The following NAALADL2 variants were observed in gnomAD, a reference collection of about 807,000 sequenced individuals.
The protein encoded by NAALADL2 is N-acetylated alpha-linked acidic dipeptidase like 2.
NAALADL2 carries 76 observed loss-of-function variants against 87.2 expected under a neutral mutation model. That is an observed-to-expected ratio of 0.87 (90% CI 0.72 to 1.05). The LOEUF (loss-of-function observed/expected upper bound fraction) is 1.05, where lower values mean the gene tolerates loss of function less well. Among genes scored for constraint, NAALADL2 ranks in the 50% least tolerant of loss-of-function variants. NAALADL2 has a pLI of 0.00. For synonymous variants in NAALADL2, 354 were observed against 331.0 expected (o/e 1.07, Z -0.75); for missense variants, 1,089 against 945.8 (o/e 1.15, Z -1.99).
At chr3:175,219,587 C>A (rs910094382) in intron 2 of NAALADL2, among the ~76,000 whole-genome samples, 2 of 152,090 alleles carry the variant, frequency 1.3e-5, no homozygotes, top group Non-Finnish European at 2.9e-5. Flanking sequence ...TTTTGTCTAA[C>A]CAAGATAGTA....
chr3:174,887,185 T>G (rs574788217), intron 1 of NAALADL2, among the ~76,000 whole-genome samples: 1 of 151,680 alleles, frequency 6.6e-6, no homozygotes, highest in Non-Finnish European at 1.5e-5. Context: ...GAAGTTTGTT[T>G]TAGGCATCTT....
chr3:174,894,943 A>G (rs895521950), intron 1 of NAALADL2, among the ~76,000 whole-genome samples: 1 of 152,126 alleles, frequency 6.6e-6, no homozygotes, highest in African/African-American at 2.4e-5. Flanking sequence ...GGGTCAATAA[A>G]GAAATCAAGA....
At chr3:175,628,926 C>A (rs1283297314) in intron 11 of NAALADL2, among the ~76,000 whole-genome samples, 2 of 150,218 alleles carry the variant, frequency 1.3e-5, no homozygotes, top group Non-Finnish European at 1.5e-5. Context: ...ATTCTAAGCT[C>A]AAAATATCTA....
intron 13 of NAALADL2, among the ~76,000 whole-genome samples, chr3:175,786,684 CCTT>C (rs1469503345): frequency 2.0e-5 from 3 of 152,182 alleles, no homozygotes; most frequent in Admixed American, 6.5e-5. Flanking sequence ...TCGTCTGAAG[CCTT>C]CTTCTCTCAT....
chr3:175,401,422 G>A (rs1770550701), intron 5 of NAALADL2, among the ~76,000 whole-genome samples: 2 of 152,090 alleles, frequency 1.3e-5, no homozygotes, highest in Admixed American at 6.6e-5. Context: ...TGAATGGAAT[G>A]TGTGTATATT....
At chr3:175,160,861 A>AT (rs1000873415) in intron 2 of NAALADL2, among the ~76,000 whole-genome samples, 7 of 152,154 alleles carry the variant, frequency 4.6e-5, no homozygotes, top group Admixed American at 3.3e-4. Context: ...TTTTTCTTAT[A>AT]TTTTTTCAGG....
At chr3:174,861,951 G>A (rs748942122) in intron 1 of NAALADL2, among the ~76,000 whole-genome samples, 1 of 151,578 alleles carries the variant, frequency 6.6e-6, no homozygotes, top group African/African-American at 2.4e-5. Flanking sequence ...ATCTTGAGCT[G>A]TGTGAACAGA....
chr3:175,584,734 T>C (rs1370509557), intron 10 of NAALADL2, among the ~76,000 whole-genome samples: 2 of 152,154 alleles, frequency 1.3e-5, no homozygotes, highest in Non-Finnish European at 2.9e-5. Flanking sequence ...TATAATACAA[T>C]GGTATTTGTG....
intron 3 of NAALADL2, among the ~76,000 whole-genome samples, chr3:174,768,006 A>C (rs1714065041): frequency 6.6e-6 from 1 of 152,200 alleles, no homozygotes; most frequent in Non-Finnish European, 1.5e-5. Context: ...AGAAACTGTT[A>C]CCTCAATTCG....
intron 1 of NAALADL2, among the ~76,000 whole-genome samples, chr3:175,077,710 T>C (rs2109205629): frequency 6.6e-6 from 1 of 152,278 alleles, no homozygotes; most frequent in Non-Finnish European, 1.5e-5. Context: ...AGGCAGCTGC[T>C]CTTTTAAAAA....
chr3:175,379,957 C>A (rs1767598550), intron 5 of NAALADL2, among the ~76,000 whole-genome samples: 2 of 151,950 alleles, frequency 1.3e-5, no homozygotes, highest in South Asian at 2.1e-4. Context: ...GGACAAAAAA[C>A]CAAACACTGC....
Position 174,504,203 on chromosome 3 carries a change from A to G in NAALADL2, c.-183-46366A>G, listed in dbSNP as rs1719072012. 3.3e-5 allele frequency among the ~76,000 whole-genome samples: 5 copies of G among 152,270 alleles called. No individual in the cohort carries two copies. In the South Asian group the frequency reaches 1.0e-3, roughly 32 times the overall value. On this transcript the variant is annotated intron_variant, in intron 1 of 3. Coordinates refer to the NAALADL2 transcript ENST00000434257. The stretch of plus-strand genomic sequence containing the variant: ...AAAGATTCATTTGTATCTAAATTGT[A>G]TTGTGAAGGCATCATAATATTCTAT...
chr3:175,794,370 A>G (rs1753195830), intron 13 of NAALADL2, among the ~76,000 whole-genome samples: 1 of 130,418 alleles, frequency 7.7e-6, no homozygotes, highest in African/African-American at 3.9e-5. Context: ...CAAGAAACCA[A>G]TTAAATGAGT....
rs1298649556 is a variant in NAALADL2, at chr3:175,234,125, G to T, written c.740G>T (p.Cys247Phe). 1 of 1,613,852 alleles carries T rather than the reference G, an allele frequency of 6.2e-7. No individual in the cohort carries two copies. The highest frequency in any genetic ancestry group is 8.5e-7 in the Non-Finnish European group (1 of 1,179,826). Residue 247 changes from cysteine to phenylalanine, a missense_variant, in exon 3 of 14, where the codon TGC (cysteine) becomes TTC (phenylalanine). Cys to Phe is a radical substitution (Grantham distance 205). Transcript: ENST00000454872. ...GQCFHPNGQP[C>F]SEEARKDSSQ... ...TGCTTTCATCCTAATGGCCAGCCTT[G>T]CAGTGAAGAAGCCAGAAAAGATAGC...
chr3:174,625,880 A>G (rs555487455), intron 2 of NAALADL2, among the ~76,000 whole-genome samples: 6 of 152,184 alleles, frequency 3.9e-5, no homozygotes, highest in African/African-American at 1.4e-4. Context: ...CATTTGAAAA[A>G]TACTGGAGGA....
Position 175,043,426 on chromosome 3 carries a change from A to T in NAALADL2, c.44-53364A>T, listed in dbSNP as rs1754315181. Among the ~76,000 whole-genome samples the T allele has an allele frequency of 2.6e-5, 4 of 152,140 alleles. No homozygotes were observed. In the South Asian group the frequency reaches 8.3e-4, roughly 32 times the overall value. On this transcript the variant is annotated intron_variant, in intron 1 of 13. Coordinates refer to ENST00000454872, the MANE Select transcript of NAALADL2 (RefSeq NM_207015.3). ...GCTAAATTTCGTATTTTTAGTAGAG[A>T]TGGGATTTTATCACATTTGTCAGGC... is the stretch of plus-strand genomic sequence containing the variant.
intron 1 of NAALADL2, among the ~76,000 whole-genome samples, chr3:174,529,143 T>C (rs1721021345): frequency 6.6e-6 from 1 of 152,108 alleles, no homozygotes; most frequent in Admixed American, 6.5e-5. Flanking sequence ...CTAGATACAA[T>C]AGGAGTATAA....
intron 3 of NAALADL2, among the ~76,000 whole-genome samples, chr3:174,829,114 T>C (rs150875758): frequency 0.02 from 3,068 of 152,112 alleles, 109 homozygotes; most frequent in African/African-American, 0.07. Context: ...TTGTTGTTGT[T>C]GTTGTTGTTT....
intron 1 of NAALADL2, among the ~76,000 whole-genome samples, chr3:174,474,394 A>T (rs756843817): frequency 6.6e-6 from 1 of 152,172 alleles, no homozygotes. Context: ...TTCTCATGTC[A>T]TAATAGAGAT....
Sources: allele counts gnomAD v4.1 joint callset (sites outside exome capture counted in the v4.1 genomes callset), GRCh38; gene constraint gnomAD v4.1.1; transcripts MANE v1.5; gene names NCBI Gene and HGNC (gene_info 2026-07-23, HGNC 2026-07-21).